The following C11orf97 variants were observed in gnomAD, a reference collection of about 807,000 sequenced individuals.
The protein encoded by C11orf97 is uncharacterized protein C11orf97.
C11orf97 carries 15 observed loss-of-function variants against 16.2 expected under a neutral mutation model. The ratio of observed to expected loss-of-function variants is 0.93; its 90% CI spans 0.62 to 1.43. The LOEUF (loss-of-function observed/expected upper bound fraction) is 1.43, where lower values mean the gene tolerates loss of function less well. Ranked by LOEUF, C11orf97 falls within the 40% of genes most tolerant of loss-of-function variation. The pLI is 0.00. For synonymous variants in C11orf97, 61 were observed against 65.7 expected, an observed-to-expected ratio of 0.93 and a Z score of 0.34; for missense variants, 171 against 161.2, an observed-to-expected ratio of 1.06 and a Z score of -0.33.
chr11:94,526,196 G>A (rs1331770705), intron 2 of C11orf97, among the ~76,000 whole-genome samples: 3 of 152,130 alleles, frequency 2.0e-5, no homozygotes, highest in Admixed American at 6.6e-5. Flanking sequence ...AGAAGCAGCT[G>A]CCTCAGAGAG....
chr11:94,520,485 A>AT (rs1174848185), intron 2 of C11orf97, among the ~76,000 whole-genome samples: 1 of 151,974 alleles, frequency 6.6e-6, no homozygotes, highest in African/African-American at 2.4e-5. Context: ...AGCATTTTTT[A>AT]TTTCTACCCT....
chr11:94,525,110 G>A (rs978141838), intron 2 of C11orf97, among the ~76,000 whole-genome samples: 148 of 151,692 alleles, frequency 9.8e-4, no homozygotes, highest in African/African-American at 3.3e-3. Flanking sequence ...GTAGGCTTAT[G>A]AGACATTCAT....
chr11:94,512,642 C>G lies in C11orf97; in HGVS notation c.114C>G (p.Pro38=), dbSNP rs939552171. ...TGGGGTGCGGGGCGCGCGGGGAACC[C>G]GGCCGCGGCCCCCTAGAGCACGGCC... ...AGLGCGARGE[P]GRGPLEHGQQ... The change falls in exon 1 of 4, where the codon CCC becomes CCG. Residue 38 remains proline (P), a synonymous_variant. Transcript: ENST00000542198. The G allele has an allele frequency of 3.1e-5, 39 of 1,252,202 alleles. No individual in the cohort carries two copies. Among genetic ancestry groups the G allele is most frequent in the Non-Finnish European group, 3.8e-5 (38 of 997,620 alleles). The allele number at this position is 1,252,202 out of a possible 1,614,324, so 77.6% of individuals were successfully genotyped here. A position where few individuals can be genotyped will look rare whatever the true frequency, so the allele number is the denominator to read the frequency against.
chr11:94,522,554 A>AACAG (rs1179236579), intron 2 of C11orf97, among the ~76,000 whole-genome samples: 2 of 143,298 alleles, frequency 1.4e-5, no homozygotes, highest in Non-Finnish European at 3.0e-5. Flanking sequence ...CAAACAAACA[A>AACAG]ACAAAACAAT....
At chr11:94,527,665 A>G (rs980897516) in intron 2 of C11orf97, among the ~76,000 whole-genome samples, 20 of 152,214 alleles carry the variant, frequency 1.3e-4, no homozygotes, top group Admixed American at 8.5e-4. Flanking sequence ...TATTGGATGA[A>G]TTAACTATTG....
intron 3 of C11orf97, among the ~76,000 whole-genome samples, chr11:94,528,513 G>T (rs963337046): frequency 5.9e-5 from 9 of 152,182 alleles, no homozygotes; most frequent in African/African-American, 2.2e-4. Flanking sequence ...CCTCTGTGAA[G>T]AGGAATCCTG....
intron 2 of C11orf97, among the ~76,000 whole-genome samples, chr11:94,522,691 C>T (rs918240088): frequency 1.3e-5 from 2 of 152,298 alleles, no homozygotes; most frequent in East Asian, 1.9e-4. Context: ...TGTTCCACAT[C>T]GAATTAGACT....
At chr11:94,523,187 C>T (rs1446970320) in intron 2 of C11orf97, among the ~76,000 whole-genome samples, 2 of 152,206 alleles carry the variant, frequency 1.3e-5, no homozygotes, top group African/African-American at 2.4e-5. Flanking sequence ...GCCAGCTTTA[C>T]TCATATTACC....
rs1314135006 is a variant in C11orf97 at position 94,518,915 on chromosome 11, T to G, written c.250+1228T>G. 3.0e-5 allele frequency among the ~76,000 whole-genome samples: 3 copies of G among 98,420 alleles called. No individual in the cohort carries two copies. In the East Asian group the frequency reaches 1.1e-3, roughly 36 times the overall value. The allele number at this position is 98,420 out of a possible 152,430, so 64.6% of individuals were successfully genotyped here. ...GATGTATGTTGTGCCCACTTTACAT[T>G]TTTTTTTTTTTTGGATGGAGTCTCA... On this transcript the variant is annotated intron_variant, in intron 2 of 3. Transcript: ENST00000542198.
chr11:94,518,744 C>T (rs1167073454), intron 2 of C11orf97, among the ~76,000 whole-genome samples: 1 of 152,158 alleles, frequency 6.6e-6, no homozygotes, highest in Non-Finnish European at 1.5e-5. Context: ...TGGGTATCAG[C>T]AGTTGCTAGA....
chr11:94,520,870 G>A (rs1056057922), intron 2 of C11orf97, among the ~76,000 whole-genome samples: 2 of 152,120 alleles, frequency 1.3e-5, no homozygotes, highest in Admixed American at 6.5e-5. Flanking sequence ...AACATAAATC[G>A]TTACATGTCA....
chr11:94,523,481 G>T (rs1012361304), intron 2 of C11orf97, among the ~76,000 whole-genome samples: 1 of 152,136 alleles, frequency 6.6e-6, no homozygotes, highest in South Asian at 2.1e-4. Context: ...GCAATACTGG[G>T]CTATTTATTG....
At position 94,516,026 on chromosome 11, in the gene C11orf97, G is replaced by A. The variant is rs956520624; in HGVS notation, c.146-1557G>A. Among the ~76,000 whole-genome samples the A allele has an allele frequency of 1.4e-3, 211 of 152,200 alleles. 2 individuals are homozygous for A. The highest frequency in any genetic ancestry group is 0.014 in the Admixed American group (209 of 15,280). ...CAGATTAAACCAAAGTTAGGCTTCA[G>A]TAATGCTGATCCCATATTTTATTCA... On this transcript the variant is annotated intron_variant, in intron 1 of 3. Transcript: ENST00000542198.
chr11:94,518,103 G>A (rs149659069), intron 2 of C11orf97, among the ~76,000 whole-genome samples: 14 of 141,354 alleles, frequency 9.9e-5, no homozygotes, highest in Admixed American at 5.9e-4. Flanking sequence ...AGCCAAGATC[G>A]CGCCACTGTA....
Position 94,528,144 on chromosome 11 carries a change from G to A in C11orf97, c.311G>A (p.Gly104Glu), listed in dbSNP as rs1434305420. ...RNLPVGGLKP[G>E]LPSRNSLLPQ... ...CTGCCTGTGGGAGGCTTGAAGCCAG[G>A]ACTGCCGAGCAGAAACAGTTTATTG... Residue 104 changes from glycine (G) to glutamate (E), a missense_variant, in exon 3 of 4, where the codon GGA becomes GAA. Transcript: ENST00000542198. 1 of 1,536,022 alleles carries A rather than the reference G, an allele frequency of 6.5e-7. No individual in the cohort carries two copies. The highest frequency in any genetic ancestry group is 1.2e-5 in the South Asian group (1 of 84,044).
At chr11:94,513,511 AG>A (rs1360597931) in intron 1 of C11orf97, among the ~76,000 whole-genome samples, 11 of 152,180 alleles carry the variant, frequency 7.2e-5, no homozygotes, top group African/African-American at 2.4e-4. Flanking sequence ...GCATCTCTGG[AG>A]AGCAGACTGG....
At chr11:94,518,913 ATT>A (rs58382418) in intron 2 of C11orf97, among the ~76,000 whole-genome samples, 34 of 144,242 alleles carry the variant, frequency 2.4e-4, no homozygotes, top group East Asian at 6.1e-4. Flanking sequence ...CCCACTTTAC[ATT>A]TTTTTTTTTT....
chr11:94,516,927 T>C (rs1469369638), intron 1 of C11orf97, among the ~76,000 whole-genome samples: 1 of 152,154 alleles, frequency 6.6e-6, no homozygotes, highest in Non-Finnish European at 1.5e-5. Context: ...GTAGGCCCAA[T>C]AGCACAGAGC....
At chr11:94,515,200 C>T (rs486556) in intron 1 of C11orf97, among the ~76,000 whole-genome samples, 74,307 of 151,718 alleles carry the variant, frequency 0.49, 19,077 homozygotes, top group Non-Finnish European at 0.57. Flanking sequence ...GCTACTTTCT[C>T]AACTATAAAA....
Sources: allele counts gnomAD v4.1 joint callset (sites outside exome capture counted in the v4.1 genomes callset), GRCh38; gene constraint gnomAD v4.1.1; transcripts MANE v1.5; gene names NCBI Gene and HGNC (gene_info 2026-07-23, HGNC 2026-07-21).